Variants in KDM1B observed in about 807,000 individuals in gnomAD.
KDM1B encodes the protein lysine demethylase 1B.
A neutral mutation model predicts 107.4 loss-of-function variants in KDM1B; 63 were observed. The observed-to-expected ratio is 0.59, with a 90% CI of 0.48 to 0.72. The LOEUF (loss-of-function observed/expected upper bound fraction) is 0.72, where lower values mean the gene tolerates loss of function less well. KDM1B is among the 30% of genes least tolerant of loss of function. KDM1B has a pLI of 0.00. For missense variants in KDM1B, 749 were observed against 1,020.8 expected (o/e 0.73, Z 3.63); for synonymous variants, 363 against 363.9 (o/e 1.00, Z 0.03).
At chr6:18,164,947 AGAG>A (rs1785200631) in intron 5 of KDM1B, among the ~76,000 whole-genome samples, 2 of 151,680 alleles carry the variant, frequency 1.3e-5, no homozygotes, top group African/African-American at 4.8e-5. Context: ...TGCCCGGCCT[AGAG>A]GAGATTTCTC....
intron 14 of KDM1B, among the ~76,000 whole-genome samples, chr6:18,202,159 G>A (rs1165239673): frequency 6.6e-6 from 1 of 152,008 alleles, no homozygotes; most frequent in East Asian, 1.9e-4. Context: ...CGAACATTTG[G>A]GAGGTCAAGC....
chr6:18,190,328 C>CA (rs1787191454), intron 9 of KDM1B, among the ~76,000 whole-genome samples: 2 of 151,786 alleles, frequency 1.3e-5, no homozygotes, highest in Non-Finnish European at 2.9e-5. Context: ...CGCAGTGGCT[C>CA]ACGCCTGTAA....
intron 7 of KDM1B, among the ~76,000 whole-genome samples, chr6:18,177,181 G>A (rs1021617696): frequency 3.9e-5 from 6 of 152,078 alleles, no homozygotes; most frequent in African/African-American, 1.2e-4. Flanking sequence ...AATCCTTCCT[G>A]ATTTAAGCTA....
In KDM1B at chr6:18,205,821, G is replaced by A. The variant is rs1164989122; in HGVS notation, c.1659+157G>A. ...ATCCTGGCCAACATGGTGAAACCCT[G>A]TCTCTACTAAAATACAAAAAATTAG... is the stretch of plus-strand genomic sequence containing the variant. On this transcript the variant is annotated intron_variant, in intron 15 of 21. Transcript: ENST00000650836. This position sits in a 1 kb window ranked among gnomAD's most constrained non-coding sequence, Gnocchi z 5.7. Among the ~76,000 whole-genome samples, 2 of 151,996 alleles carry A rather than the reference G, an allele frequency of 1.3e-5. No homozygotes were observed. The highest frequency in any genetic ancestry group is 2.4e-5 in the African/African-American group (1 of 41,378).
In KDM1B at chr6:18,222,311, T is replaced by A. The variant is rs986790888; in HGVS notation, c.*319T>A. The A allele has an allele frequency of 5.3e-5, 22 of 411,748 alleles. No individual in the cohort carries two copies. The East Asian group carries it at 6.9e-4, about 13-fold the overall frequency. 25.5% of individuals were successfully genotyped at this position (411,748 alleles called of 1,614,324 possible). A position where few individuals can be genotyped will look rare whatever the true frequency, so the allele number is the denominator to read the frequency against. ...TCCATGGCTGGAAGTTCCCTTTAGA[T>A]TTCACATTTTATATGGCTGATCAAT... On this transcript the variant is annotated 3_prime_UTR_variant, in exon 22 of 22. Coordinates refer to ENST00000650836, the MANE Select transcript of KDM1B (RefSeq NM_001364614.2).
In KDM1B at chr6:18,201,524, C is replaced by G; in HGVS notation, c.1398C>G (p.Asp466Glu). 6.5e-7 allele frequency: 1 copy of G among 1,550,154 alleles called. No individual in the cohort carries two copies. ...ISMHKFGERC[D>E]LIQEGGRITD... ...TGCATAAATTTGGAGAAAGATGTGACTTAATTCAGGAAGGTGGAAGAATAA... is the reference window on the plus strand; with the variant it reads ...TGCATAAATTTGGAGAAAGATGTGAGTTAATTCAGGAAGGTGGAAGAATAA... The change falls in exon 14 of 22, where the codon GAC (aspartate) becomes GAG (glutamate). Residue 466 changes from aspartate to glutamate, a missense_variant. By Grantham distance (45) the Asp-to-Glu change is conservative. Coordinates refer to ENST00000650836, the MANE Select transcript of KDM1B (RefSeq NM_001364614.2). The surrounding 1 kb of genome is among the most constrained non-coding windows in gnomAD (Gnocchi z 4.3).
intron 2 of KDM1B, 148 bp downstream of exon 2, chr6:18,156,074 G>A (rs1323096539): frequency 6.6e-6 from 1 of 152,310 alleles, no homozygotes; most frequent in Non-Finnish European, 1.5e-5. Flanking sequence ...CCTGGAGTAG[G>A]AACTCCCTCG....
intron 2 of KDM1B, among the ~76,000 whole-genome samples, chr6:18,157,288 G>T (rs1340915888): frequency 1.3e-5 from 2 of 152,152 alleles, no homozygotes; most frequent in Admixed American, 6.5e-5. Context: ...ACCCTCAATT[G>T]TATAAAGTTG....
rs188624119 is a variant in KDM1B at position 18,180,253 on chromosome 6, C to T, written c.535-5519C>T. Among the ~76,000 whole-genome samples the T allele has an allele frequency of 1.6e-4, 25 of 152,038 alleles. No individual in the cohort carries two copies. In the East Asian group the frequency reaches 4.9e-3, roughly 30 times the overall value. On this transcript the variant is annotated intron_variant, in intron 7 of 21. Transcript: ENST00000650836. ...AGCTGGGAACTGAGCAATGAAAATA[C>T]CATGAACAGGCAGAGGGGAGCGTGT...
In KDM1B at chr6:18,161,461, T is replaced by G; in HGVS notation, c.215+7T>G. On this transcript the variant is annotated splice_region_variant and intron_variant, in intron 4 of 21. Coordinates refer to ENST00000650836, the MANE Select transcript of KDM1B (RefSeq NM_001364614.2). ...TTGCAAGTGCTTCTGAAAGGTCTGT[T>G]TAGATGTGTGTCTTGGCCTCCCATT... The G allele has an allele frequency of 6.2e-7, 1 of 1,613,616 alleles. No homozygotes were observed. Among genetic ancestry groups the G allele is most frequent in the Non-Finnish European group, 8.5e-7 (1 of 1,179,840 alleles).
At chr6:18,182,737 C>T (rs555458404) in intron 7 of KDM1B, among the ~76,000 whole-genome samples, 2 of 151,974 alleles carry the variant, frequency 1.3e-5, no homozygotes, top group East Asian at 3.9e-4. Context: ...TGCTATGTTG[C>T]CCAGGCTGGT....
intron 20 of KDM1B, among the ~76,000 whole-genome samples, 198 bp from the exon 21 acceptor site, chr6:18,217,523 CGCCTGCCATCAT>C (rs1325088953): frequency 6.6e-6 from 1 of 151,812 alleles, no homozygotes; most frequent in Non-Finnish European, 1.5e-5. Context: ...GGACTACAGG[CGCCTGCCATCAT>C]GCCTGGCTAA....
chr6:18,178,684 C>G (rs1445081977), intron 7 of KDM1B, among the ~76,000 whole-genome samples: 1 of 152,214 alleles, frequency 6.6e-6, no homozygotes, highest in Admixed American at 6.5e-5. Flanking sequence ...AGCCACTGCA[C>G]CCAGCCAATA....
chr6:18,161,863 T>C (rs1465729038), intron 4 of KDM1B, among the ~76,000 whole-genome samples: 1 of 152,172 alleles, frequency 6.6e-6, no homozygotes, highest in African/African-American at 2.4e-5. Flanking sequence ...CATACGCACA[T>C]ACAGGTCTCA....
rs1374952828 is a variant in KDM1B at position 18,209,542 on chromosome 6, G to GGC, written c.1866+1339_1866+1340dup. ...GGCTGCACGTCGGAACCACCTGGGA[G>GGC]GCGCTTACAAAGAAAGGCTGGAAAG... is the stretch of plus-strand genomic sequence containing the variant. On this transcript the variant is annotated intron_variant, in intron 17 of 21. Coordinates refer to ENST00000650836, the MANE Select transcript of KDM1B (RefSeq NM_001364614.2). The surrounding 1 kb of genome is among the most constrained non-coding windows in gnomAD (Gnocchi z 4.3). Among the ~76,000 whole-genome samples, 1 of 152,200 alleles carries GGC rather than the reference G, an allele frequency of 6.6e-6. No individual in the cohort carries two copies.
At position 18,217,441 on chromosome 6, in the gene KDM1B, C is replaced by T. The variant is rs560338019; in HGVS notation, c.2233-292C>T. On this transcript the variant is annotated intron_variant, in intron 20 of 21. Transcript: ENST00000650836. Reference sequence around the variant, plus strand: ...TTGCCCAGGCTGGAGTGCAGTGGCGCGATCTCGGCTCACTGCAAGCTCCGC... The same window carrying T: ...TTGCCCAGGCTGGAGTGCAGTGGCGTGATCTCGGCTCACTGCAAGCTCCGC... Among the ~76,000 whole-genome samples the T allele has an allele frequency of 8.8e-5, 13 of 148,444 alleles. No individual in the cohort carries two copies. The East Asian group carries it at 9.9e-4, about 11-fold the overall frequency.
Position 18,201,679 on chromosome 6 carries a change from G to C in KDM1B, c.1531+22G>C, listed in dbSNP as rs935778100. 49 of 1,520,960 alleles carry C rather than the reference G, an allele frequency of 3.2e-5. No individual in the cohort carries two copies. The highest frequency in any genetic ancestry group is 6.8e-5 in the Admixed American group (3 of 44,224). 94.2% of individuals were successfully genotyped at this position (1,520,960 alleles called of 1,614,324 possible). A position where few individuals can be genotyped will look rare whatever the true frequency, so the allele number is the denominator to read the frequency against. On this transcript the variant is annotated intron_variant, in intron 14 of 21. Transcript: ENST00000650836. This position sits in a 1 kb window ranked among gnomAD's most constrained non-coding sequence, Gnocchi z 4.3. ...GGAGGTATGGGGAGAACGGTGTTCT[G>C]ATTGTTCCATCTCAGTTTCGTTGTT...
At chr6:18,164,746 A>C (rs35207148) in intron 5 of KDM1B, among the ~76,000 whole-genome samples, 1 of 151,394 alleles carries the variant, frequency 6.6e-6, no homozygotes, top group Non-Finnish European at 1.5e-5. Context: ...CCTGGGTTCA[A>C]GTGATTCTCG....
Position 18,221,889 on chromosome 6 carries a change from T to C in KDM1B, c.2386-20T>C, listed in dbSNP as rs751961934. 3 of 1,574,046 alleles carry C rather than the reference T, an allele frequency of 1.9e-6. No individual in the cohort carries two copies. The highest frequency in any genetic ancestry group is 1.8e-5 in the Admixed American group (1 of 55,938). ...CTCAACTCTATGCATGATCTCAAAT[T>C]ATGTAATTATGTTTTACAGGCAACA... On this transcript the variant is annotated intron_variant, in intron 21 of 21. Transcript: ENST00000650836.
Sources: gnomAD v4.1 joint callset for allele counts (sites outside exome capture counted in the v4.1 genomes callset) on GRCh38, gnomAD v4.1.1 for gene constraint, Gnocchi (gnomAD v3.1) non-coding constraint, MANE v1.5 for transcripts, NCBI Gene and HGNC (gene_info 2026-07-23, HGNC 2026-07-21) for gene names.